The following CPQ variants were observed in gnomAD, a reference collection of about 807,000 sequenced individuals.
CPQ encodes Ser-Met dipeptidase.
Under a neutral mutation model 45.7 loss-of-function variants are expected in CPQ, and 37 were observed. The observed-to-expected ratio is 0.81, with a 90% CI of 0.62 to 1.07. The LOEUF (loss-of-function observed/expected upper bound fraction) is 1.07. CPQ is among the 50% of genes least tolerant of loss of function. CPQ has a pLI of 0.00. For synonymous variants in CPQ, 186 were observed against 205.8 expected, an observed-to-expected ratio of 0.90 and a Z score of 0.82; for missense variants, 537 against 572.9, an observed-to-expected ratio of 0.94 and a Z score of 0.64.
At chr8:96,691,307 G>T (rs898069826) in intron 1 of CPQ, among the ~76,000 whole-genome samples, 3 of 152,040 alleles carry the variant, frequency 2.0e-5, no homozygotes, top group African/African-American at 7.2e-5. Context: ...CTTCTCTTCT[G>T]TCTCTTATAA....
At chr8:96,836,135 G>T (rs757916517) in intron 3 of CPQ, among the ~76,000 whole-genome samples, 39 of 152,150 alleles carry the variant, frequency 2.6e-4, no homozygotes, top group Non-Finnish European at 5.1e-4. Context: ...AGCAGATAGG[G>T]TTTATTTGGG....
At chr8:96,727,121 T>C (rs141004887) in intron 1 of CPQ, among the ~76,000 whole-genome samples, 2 of 152,214 alleles carry the variant, frequency 1.3e-5, no homozygotes, top group African/African-American at 4.8e-5. Flanking sequence ...GTGCAAGAGG[T>C]TCTTTTGGGT....
At chr8:96,881,237 C>T (rs1299874409) in intron 4 of CPQ, among the ~76,000 whole-genome samples, 4 of 152,142 alleles carry the variant, frequency 2.6e-5, no homozygotes, top group African/African-American at 9.7e-5. Flanking sequence ...TTAATTGGTT[C>T]ACAGTTCTGC....
chr8:96,869,778 G>A (rs1812042411), intron 3 of CPQ, among the ~76,000 whole-genome samples: 1 of 152,040 alleles, frequency 6.6e-6, no homozygotes, highest in African/African-American at 2.4e-5. Flanking sequence ...CCAGCAATCT[G>A]TTTTAGCAAG....
intron 4 of CPQ, among the ~76,000 whole-genome samples, chr8:96,908,747 G>GCGTGCGCACACACACACACA (rs149476038): frequency 5.7e-5 from 8 of 140,918 alleles, no homozygotes; most frequent in African/African-American, 2.1e-4. Context: ...ATACACATGC[G>GCGTGCGCACACACACACACA]CACACACACA....
At chr8:97,023,124 A>ATG (rs398112779) in intron 5 of CPQ, among the ~76,000 whole-genome samples, 4 of 147,426 alleles carry the variant, frequency 2.7e-5, no homozygotes, top group Non-Finnish European at 6.0e-5. Flanking sequence ...ATATATATAT[A>ATG]CTATATATGT....
intron 5 of CPQ, among the ~76,000 whole-genome samples, chr8:96,990,810 G>A (rs1809080302): frequency 6.6e-6 from 1 of 152,162 alleles, no homozygotes. Context: ...CTATGGACTG[G>A]GTAGCAGGTG....
intron 4 of CPQ, among the ~76,000 whole-genome samples, chr8:96,880,397 TG>T (rs1457678533): frequency 1.3e-5 from 2 of 151,526 alleles, no homozygotes; most frequent in Non-Finnish European, 2.9e-5. Flanking sequence ...GAAAGTAAAT[TG>T]TTCTACTAAA....
intron 3 of CPQ, among the ~76,000 whole-genome samples, chr8:96,858,742 T>TA (rs1811888368): frequency 1.3e-5 from 2 of 152,230 alleles, no homozygotes; most frequent in African/African-American, 4.8e-5. Flanking sequence ...TTCGTTGCTT[T>TA]AAAAAATACA....
intron 7 of CPQ, among the ~76,000 whole-genome samples, chr8:97,069,963 G>A (rs530318370): frequency 6.6e-5 from 10 of 152,054 alleles, no homozygotes; most frequent in African/African-American, 2.2e-4. Flanking sequence ...TTTATAATAC[G>A]GCCATCTTTG....
chr8:96,757,016 C>T (rs897244487), intron 1 of CPQ, among the ~76,000 whole-genome samples: 14 of 151,962 alleles, frequency 9.2e-5, no homozygotes, highest in African/African-American at 3.4e-4. Flanking sequence ...TTTCCCTAAT[C>T]CTTGACTGAT....
intron 2 of CPQ, among the ~76,000 whole-genome samples, chr8:96,802,198 A>G (rs147499645): frequency 5.9e-5 from 9 of 152,220 alleles, no homozygotes; most frequent in African/African-American, 2.2e-4. Context: ...GGCCTCACCA[A>G]CAGTGTAGTC....
intron 4 of CPQ, among the ~76,000 whole-genome samples, chr8:96,917,469 C>A (rs915670008): frequency 7.9e-5 from 12 of 151,878 alleles, no homozygotes; most frequent in African/African-American, 2.9e-4. Flanking sequence ...CTTTTTTAGC[C>A]CTTCCTTACT....
intron 3 of CPQ, among the ~76,000 whole-genome samples, chr8:96,864,167 C>T (rs920172693): frequency 1.4e-4 from 22 of 151,966 alleles, no homozygotes; most frequent in African/African-American, 4.6e-4. Flanking sequence ...GGACACTATT[C>T]CTCTCTCACT....
intron 2 of CPQ, among the ~76,000 whole-genome samples, chr8:96,826,196 A>C (rs1044041835): frequency 5.9e-5 from 9 of 152,016 alleles, no homozygotes; most frequent in Admixed American, 5.2e-4. Context: ...TGAATTCTTC[A>C]GATTTGTTTG....
intron 4 of CPQ, among the ~76,000 whole-genome samples, chr8:96,914,197 C>T (rs776470820): frequency 3.3e-5 from 5 of 151,970 alleles, no homozygotes; most frequent in Non-Finnish European, 5.9e-5. Flanking sequence ...TGTTTTGCTT[C>T]GATTAGTTTT....
chr8:96,705,748 C>T (rs1422716547), intron 1 of CPQ, among the ~76,000 whole-genome samples: 1 of 152,078 alleles, frequency 6.6e-6, no homozygotes, highest in Admixed American at 6.6e-5. Flanking sequence ...CTAACTTTAT[C>T]CCAATTCCTC....
intron 2 of CPQ, among the ~76,000 whole-genome samples, chr8:96,814,254 C>T (rs946128219): frequency 2.0e-4 from 30 of 151,984 alleles, no homozygotes; most frequent in Admixed American, 7.9e-4. Flanking sequence ...CAATGGAATA[C>T]AAAATCACAG....
chr8:96,955,204 A>G (rs548101213), intron 4 of CPQ, among the ~76,000 whole-genome samples: 1 of 152,326 alleles, frequency 6.6e-6, no homozygotes, highest in Non-Finnish European at 1.5e-5. Context: ...ACTAGTTTAC[A>G]GTCCCACCAA....
Sources: gnomAD v4.1 joint callset for allele counts (sites outside exome capture counted in the v4.1 genomes callset) on GRCh38, gnomAD v4.1.1 for gene constraint, MANE v1.5 for transcripts, NCBI Gene and HGNC (gene_info 2026-07-23, HGNC 2026-07-21) for gene names.